The following ZBTB7A variants were observed in gnomAD, a reference collection of about 807,000 sequenced individuals.
ZBTB7A encodes zinc finger and BTB domain-containing protein 7A.
Under a neutral mutation model 26.7 loss-of-function variants are expected in ZBTB7A, and 7 were observed. The ratio of observed to expected loss-of-function variants is 0.26; its 90% CI spans 0.15 to 0.49. The LOEUF is 0.49. Among genes scored for constraint, ZBTB7A ranks in the 20% least tolerant of loss-of-function variants. ZBTB7A has a pLI of 0.98. For missense variants in ZBTB7A, 617 were observed against 919.5 expected (o/e 0.67, Z 4.25); for synonymous variants, 452 against 441.0 (o/e 1.02, Z -0.31).
Position 4,054,555 on chromosome 19 carries a change from G to A in ZBTB7A, c.678C>T (p.Ala226=). ...CCCCGTCCCCCGTCGGGGGCCGCTCGGCCGGGGGGCCCGGCCCATAGAAGT... is the reference window on the plus strand; with the variant it reads ...CCCCGTCCCCCGTCGGGGGCCGCTCAGCCGGGGGGCCCGGCCCATAGAAGT... ...GLDFYGPGPP[A]ERPPTGDGDE... Residue 226 remains alanine, a synonymous_variant, in exon 2 of 3, where the codon GCC becomes GCT. Coordinates refer to ENST00000322357, the MANE Select transcript of ZBTB7A (RefSeq NM_015898.4). The A allele has an allele frequency of 3.4e-6, 5 of 1,473,098 alleles. No homozygotes were observed. Among genetic ancestry groups the A allele is most frequent in the African/African-American group, 1.4e-5 (1 of 69,818 alleles). 91.3% of individuals were successfully genotyped at this position (1,473,098 alleles called of 1,614,324 possible).
chr19:4,066,035 C>CG (rs1349956094), intron 1 of ZBTB7A, among the ~76,000 whole-genome samples: 2 of 149,326 alleles, frequency 1.3e-5, no homozygotes, highest in African/African-American at 4.9e-5. Context: ...GCTGTCGGCG[C>CG]GGGGCACCCT....
rs1417826153 is a variant in ZBTB7A, at chr19:4,052,706, C to T, written c.1262+1265G>A. 6.6e-6 allele frequency among the ~76,000 whole-genome samples: 1 copy of T among 152,204 alleles called. No homozygotes were observed. Among genetic ancestry groups the T allele is most frequent in the Non-Finnish European group, 1.5e-5 (1 of 68,028 alleles). ...CCCTGCCCCCACCGCTACAGCCCGC[C>T]CCGGATCTACGAGGCCCAGCCAGCC... On this transcript the variant is annotated intron_variant, in intron 2 of 2. Transcript: ENST00000322357. The surrounding 1 kb of genome is among the most constrained non-coding windows in gnomAD (Gnocchi z 4.9).
intron 1 of ZBTB7A, among the ~76,000 whole-genome samples, chr19:4,058,411 C>G (rs2040604874): frequency 6.6e-6 from 1 of 151,454 alleles, no homozygotes; most frequent in South Asian, 2.1e-4. Context: ...CCTGGGGGGA[C>G]TGTGTCTGTC....
At chr19:4,063,507 G>A (rs1396955932) in intron 1 of ZBTB7A, among the ~76,000 whole-genome samples, 3 of 152,212 alleles carry the variant, frequency 2.0e-5, no homozygotes, top group Non-Finnish European at 4.4e-5. Flanking sequence ...GGGCCTGCCC[G>A]GTGAGGCAGG....
At chr19:4,065,841 C>T (rs1356534619) in intron 1 of ZBTB7A, 3 of 143,116 alleles carry the variant, frequency 2.1e-5, no homozygotes, top group Admixed American at 1.4e-4. Context: ...GCCCGCGGGC[C>T]GCGCAGCCGG....
intron 1 of ZBTB7A, among the ~76,000 whole-genome samples, chr19:4,061,372 G>A (rs762199703): frequency 4.0e-4 from 60 of 150,420 alleles, no homozygotes; most frequent in Non-Finnish European, 7.0e-4. Context: ...GGCAGCCCCC[G>A]CCCCCTCCCC....
At chr19:4,053,929 G>A in intron 2 of ZBTB7A, 42 bp downstream of exon 2, 1 of 1,541,976 alleles carries the variant, frequency 6.5e-7, no homozygotes, top group Non-Finnish European at 8.7e-7. Flanking sequence ...GGATGCTGGG[G>A]CAGAGAGCAG....
chr19:4,054,815 C>G lies in ZBTB7A; in HGVS notation c.418G>C (p.Ala140Pro). 1 of 1,596,090 alleles carries G rather than the reference C, an allele frequency of 6.3e-7. No individual in the cohort carries two copies. Among genetic ancestry groups the G allele is most frequent in the Non-Finnish European group, 8.5e-7 (1 of 1,171,204 alleles). ...TGATCTACAAGGTCCAGCTGCCCGG[C>G]GTCGGCGCCCGCGTCGGCCGCCAGG... Reference protein sequence around the residue: ...QILAADAGADAGQLDLVDQID... With the variant: ...QILAADAGADPGQLDLVDQID... The change falls in exon 2 of 3, where the codon GCC becomes CCC. Residue 140 changes from alanine (A) to proline (P), a missense_variant. Transcript: ENST00000322357.
intron 2 of ZBTB7A, among the ~76,000 whole-genome samples, chr19:4,051,896 C>A (rs1278651212): frequency 6.6e-6 from 1 of 152,120 alleles, no homozygotes; most frequent in Non-Finnish European, 1.5e-5. Flanking sequence ...TTTCATCACC[C>A]CGAGCCCCAG....
At chr19:4,049,811 C>T (rs1277273206) in intron 2 of ZBTB7A, among the ~76,000 whole-genome samples, 1 of 152,238 alleles carries the variant, frequency 6.6e-6, no homozygotes, top group Non-Finnish European at 1.5e-5. Flanking sequence ...GCTGCTCCCG[C>T]AGTCCGGGGT....
At chr19:4,049,211 T>TA (rs1555692331) in intron 2 of ZBTB7A, among the ~76,000 whole-genome samples, 760 of 42,982 alleles carry the variant, frequency 0.018, 135 homozygotes, top group East Asian at 0.091. Context: ...TATATATATG[T>TA]AAGTTTGAGA....
Position 4,046,293 on chromosome 19 carries a change from C to A in ZBTB7A, c.*1459G>T. 1 of 386,542 alleles carries A rather than the reference C, an allele frequency of 2.6e-6. No individual in the cohort carries two copies. Among genetic ancestry groups the A allele is most frequent in the Non-Finnish European group, 4.6e-6 (1 of 219,090 alleles). 23.9% of individuals were successfully genotyped at this position (386,542 alleles called of 1,614,324 possible). A position where few individuals can be genotyped will look rare whatever the true frequency, so the allele number is the denominator to read the frequency against. On this transcript the variant is annotated 3_prime_UTR_variant, in exon 3 of 3. Transcript: ENST00000322357. ...CCCTGCGATGGCTTCCTCCTGAACCCCCCTTCTCGCTTTTTGGGGAACAGA... is the reference window on the plus strand; with the variant it reads ...CCCTGCGATGGCTTCCTCCTGAACCACCCTTCTCGCTTTTTGGGGAACAGA...
Position 4,045,764 on chromosome 19 carries a change from C to G in ZBTB7A, c.*1988G>C, listed in dbSNP as rs989926102. The G allele has an allele frequency of 7.5e-6, 3 of 397,616 alleles. No homozygotes were observed. In the East Asian group the frequency reaches 1.1e-4, roughly 14 times the overall value. The allele number at this position is 397,616 out of a possible 1,614,324, so 24.6% of individuals were successfully genotyped here. A position where few individuals can be genotyped will look rare whatever the true frequency, so the allele number is the denominator to read the frequency against. Reference sequence around the variant, plus strand: ...GCGTCCTGGCATCTGGCGACATAGTCTCCCCAACCCCGGCCCCTGTCCGTG... The same window carrying G: ...GCGTCCTGGCATCTGGCGACATAGTGTCCCCAACCCCGGCCCCTGTCCGTG... On this transcript the variant is annotated 3_prime_UTR_variant, in exon 3 of 3. Coordinates refer to ENST00000322357, the MANE Select transcript of ZBTB7A (RefSeq NM_015898.4). This position sits in a 1 kb window ranked among gnomAD's most constrained non-coding sequence, Gnocchi z 4.1.
In ZBTB7A at chr19:4,045,939, T is replaced by TG. The variant is rs912793119; in HGVS notation, c.*1812dup. ...GGCGGTGGTTCTAAGGCCCTGGAGG[T>TG]GGGGGGCCCCTGTCACCCACCTCAG... On this transcript the variant is annotated 3_prime_UTR_variant, in exon 3 of 3. Transcript: ENST00000322357. This position sits in a 1 kb window ranked among gnomAD's most constrained non-coding sequence, Gnocchi z 4.1. 1.5e-5 allele frequency: 6 copies of TG among 392,020 alleles called. No individual in the cohort carries two copies. The highest frequency in any genetic ancestry group is 4.3e-5 in the African/African-American group (2 of 46,426). 24.3% of individuals were successfully genotyped at this position (392,020 alleles called of 1,614,324 possible).
At chr19:4,059,228 C>T (rs1173075271) in intron 1 of ZBTB7A, among the ~76,000 whole-genome samples, 7 of 152,336 alleles carry the variant, frequency 4.6e-5, no homozygotes, top group African/African-American at 4.8e-5. Flanking sequence ...CCTGCTGGGC[C>T]GTTCCTCCCC....
chr19:4,053,203 C>T (rs527274896), intron 2 of ZBTB7A, among the ~76,000 whole-genome samples: 1 of 152,328 alleles, frequency 6.6e-6, no homozygotes, highest in South Asian at 2.1e-4. Context: ...CTGTCCGGCA[C>T]GCTTTGCATA....
At position 4,054,596 on chromosome 19, in the gene ZBTB7A, C is replaced by T. The variant is rs1389630679; in HGVS notation, c.637G>A (p.Asp213Asn). 6.4e-6 allele frequency: 10 copies of T among 1,570,946 alleles called. No individual in the cohort carries two copies. Among genetic ancestry groups the T allele is most frequent in the South Asian group, 1.2e-5 (1 of 86,904 alleles). The change falls in exon 2 of 3, where the codon GAC (aspartate) becomes AAC (asparagine). Residue 213 changes from aspartate (D) to asparagine (N), a missense_variant. This residue lies in a region of ZBTB7A where 331 missense variants were observed against 391.3 expected (regional missense o/e 0.85). Transcript: ENST00000322357. The stretch of plus-strand genomic sequence containing the variant: ...CCATAGAAGTCTAAGCCGTTGCAGT[C>T]GCCCGCGGCCACGGCGGCCACAGCG... ...AAAVAAVAAG[D>N]CNGLDFYGPG...
rs888931914 is a variant in ZBTB7A at position 4,044,105 on chromosome 19, C to T, written c.*3647G>A. On this transcript the variant is annotated 3_prime_UTR_variant, in exon 3 of 3. Transcript: ENST00000322357. ...GAGGTGACCGCTCCTGCCACGGCCC[C>T]GGGGTCTGAATCGTGCAAAGACCCC... Among the ~76,000 whole-genome samples the T allele has an allele frequency of 2.6e-5, 4 of 151,998 alleles. No homozygotes were observed. The highest frequency in any genetic ancestry group is 4.4e-5 in the Non-Finnish European group (3 of 67,974).
At chr19:4,055,604 T>C (rs957903329) in intron 1 of ZBTB7A, 5 of 364,362 alleles carry the variant, frequency 1.4e-5, no homozygotes, top group African/African-American at 1.1e-4. Context: ...AGGCAGATCA[T>C]GAGGTCAGGG....
Sources: allele counts gnomAD v4.1 joint callset (sites outside exome capture counted in the v4.1 genomes callset), GRCh38; gene constraint gnomAD v4.1.1; regional missense constraint gnomAD v4.1.1; non-coding constraint Gnocchi (gnomAD v3.1); transcripts MANE v1.5; gene names NCBI Gene and HGNC (gene_info 2026-07-23, HGNC 2026-07-21).